ITGA9: variants seen among roughly 807,000 people sequenced by gnomAD.
ITGA9 encodes integrin subunit alpha 9, also known as integrin alpha-9.
In ITGA9, 56 loss-of-function variants were observed where a neutral mutation model predicts 127.8. The ratio of observed to expected loss-of-function variants is 0.44; its 90% confidence interval spans 0.35 to 0.55. The LOEUF (loss-of-function observed/expected upper bound fraction) is 0.55. ITGA9 is among the 20% of genes least tolerant of loss of function. The probability of loss-of-function intolerance (pLI) is 0.00; values close to 1 mark genes in which losing one functional copy is unlikely to be tolerated. For synonymous variants in ITGA9, 508 were observed against 514.5 expected, an observed-to-expected ratio of 0.99 and a Z score of 0.17; for missense variants, 1,196 against 1,347.1, an observed-to-expected ratio of 0.89 and a Z score of 1.76.
At chr3:37,613,576 A>G (rs1700044947) in intron 15 of ITGA9, among the ~76,000 whole-genome samples, 1 of 152,258 alleles carries the variant, frequency 6.6e-6, no homozygotes, top group South Asian at 2.1e-4. Flanking sequence ...TTACAATCCC[A>G]CCAACAGTGT....
intron 1 of ITGA9, among the ~76,000 whole-genome samples, chr3:37,462,009 A>G (rs561456121): frequency 6.6e-6 from 1 of 152,172 alleles, no homozygotes; most frequent in Non-Finnish European, 1.5e-5. Flanking sequence ...AAAAAAAATT[A>G]TCACAAGAAA....
intron 15 of ITGA9, among the ~76,000 whole-genome samples, chr3:37,623,254 G>A (rs542137198): frequency 6.6e-6 from 1 of 152,320 alleles, no homozygotes; most frequent in East Asian, 1.9e-4. Flanking sequence ...GAGGACAATT[G>A]TGGCGTACAG....
At chr3:37,694,872 G>A (rs1014797342) in intron 18 of ITGA9, among the ~76,000 whole-genome samples, 11 of 152,132 alleles carry the variant, frequency 7.2e-5, no homozygotes, top group African/African-American at 2.2e-4. Flanking sequence ...TTCAAAAATC[G>A]AGAACTTCAG....
At chr3:37,489,027 C>T (rs1016436120) in intron 4 of ITGA9, among the ~76,000 whole-genome samples, 1 of 152,192 alleles carries the variant, frequency 6.6e-6, no homozygotes, top group African/African-American at 2.4e-5. Context: ...TCTACTTTGT[C>T]TCTGAATTTG....
At chr3:37,755,282 G>C (rs1696636989) in intron 23 of ITGA9, among the ~76,000 whole-genome samples, 2 of 152,162 alleles carry the variant, frequency 1.3e-5, no homozygotes, top group Non-Finnish European at 2.9e-5. Context: ...GGTTCCCATT[G>C]TGCTGAATTG....
chr3:37,499,090 G>T (rs949211783), intron 5 of ITGA9, among the ~76,000 whole-genome samples: 7 of 152,244 alleles, frequency 4.6e-5, no homozygotes, highest in African/African-American at 1.7e-4. Flanking sequence ...CAAAGCCTTC[G>T]GAGCTATGGA....
intron 17 of ITGA9, among the ~76,000 whole-genome samples, chr3:37,667,970 G>C (rs1290571871): frequency 6.6e-6 from 1 of 152,162 alleles, no homozygotes; most frequent in Non-Finnish European, 1.5e-5. Context: ...GAAAGCATTT[G>C]ATTTGCAGTT....
At chr3:37,699,402 C>T (rs183869259) in intron 18 of ITGA9, among the ~76,000 whole-genome samples, 2 of 152,342 alleles carry the variant, frequency 1.3e-5, no homozygotes, top group Admixed American at 1.3e-4. Context: ...CTCCATCCTT[C>T]TTGGCTCTCC....
intron 18 of ITGA9, among the ~76,000 whole-genome samples, chr3:37,689,970 A>G (rs928312272): frequency 6.6e-6 from 1 of 152,224 alleles, no homozygotes; most frequent in African/African-American, 2.4e-5. Flanking sequence ...TCAGTAAGCA[A>G]TTAAAGCACA....
At chr3:37,628,266 G>A (rs1313636657) in intron 15 of ITGA9, among the ~76,000 whole-genome samples, 6 of 152,076 alleles carry the variant, frequency 3.9e-5, no homozygotes, top group Non-Finnish European at 7.4e-5. Context: ...CAGCCCACAC[G>A]CACCCCCGCC....
chr3:37,532,596 T>C (rs1238812523), intron 13 of ITGA9, among the ~76,000 whole-genome samples: 1 of 145,094 alleles, frequency 6.9e-6, no homozygotes, highest in Non-Finnish European at 1.5e-5. Flanking sequence ...TGTGATTTAC[T>C]CTTTGTTTTT....
Position 37,602,789 on chromosome 3 carries a change from T to G in ITGA9, c.1690-26398T>G, listed in dbSNP as rs1372768572. ...TAATCAAAACCAGCACTCTATATCA[T>G]GGGTGCCACCATTCCTCTGATTTTT... On this transcript the variant is annotated intron_variant, in intron 15 of 27. Coordinates refer to ENST00000264741, the MANE Select transcript of ITGA9 (RefSeq NM_002207.3). 2.6e-5 allele frequency among the ~76,000 whole-genome samples: 4 copies of G among 152,194 alleles called. No individual in the cohort carries two copies. In the East Asian group the frequency reaches 7.7e-4, roughly 29 times the overall value.
Position 37,820,741 on chromosome 3 carries a change from C to G in ITGA9, c.*1752C>G, listed in dbSNP as rs1697503602. 1 of 152,200 alleles carries G rather than the reference C, an allele frequency of 6.6e-6. No individual in the cohort carries two copies. Among genetic ancestry groups the G allele is most frequent in the African/African-American group, 2.4e-5 (1 of 41,434 alleles). The allele number at this position is 152,200 out of a possible 1,614,324, so 9.4% of individuals were successfully genotyped here. On this transcript the variant is annotated 3_prime_UTR_variant, in exon 28 of 28. Transcript: ENST00000264741. Reference sequence around the variant, plus strand: ...GAAAACATGGGGCTAAGAGCAGGGTCTAACGGAGTCTTAATGGCTTATTAC... The same window carrying G: ...GAAAACATGGGGCTAAGAGCAGGGTGTAACGGAGTCTTAATGGCTTATTAC...
At chr3:37,616,834 C>T (rs1700079599) in intron 15 of ITGA9, among the ~76,000 whole-genome samples, 1 of 152,176 alleles carries the variant, frequency 6.6e-6, no homozygotes, top group African/African-American at 2.4e-5. Flanking sequence ...TTCCTCCATC[C>T]CTTTATTTTG....
At chr3:37,713,675 G>T (rs562332696) in intron 18 of ITGA9, among the ~76,000 whole-genome samples, 1 of 152,178 alleles carries the variant, frequency 6.6e-6, no homozygotes, top group African/African-American at 2.4e-5. Context: ...AAGAAAACTC[G>T]CTTTGCCTTT....
At chr3:37,792,979 A>G (rs937227759) in intron 26 of ITGA9, among the ~76,000 whole-genome samples, 5 of 152,146 alleles carry the variant, frequency 3.3e-5, no homozygotes, top group Admixed American at 2.6e-4. Flanking sequence ...CACTCTGTTA[A>G]TAGTGGCTGT....
chr3:37,769,556 T>A (rs570971345), intron 23 of ITGA9, among the ~76,000 whole-genome samples: 8 of 152,066 alleles, frequency 5.3e-5, no homozygotes, highest in Non-Finnish European at 1.0e-4. Flanking sequence ...CAGGCCCATC[T>A]CCCCTGCCTC....
At chr3:37,710,559 C>T (rs1391083727) in intron 18 of ITGA9, among the ~76,000 whole-genome samples, 2 of 152,192 alleles carry the variant, frequency 1.3e-5, no homozygotes, top group East Asian at 3.9e-4. Context: ...TTCAGAGGTG[C>T]TCTGAGTCCT....
chr3:37,572,685 T>C (rs1699613157), intron 15 of ITGA9, among the ~76,000 whole-genome samples: 1 of 152,226 alleles, frequency 6.6e-6, no homozygotes, highest in East Asian at 1.9e-4. Flanking sequence ...TATTTATGTA[T>C]ATGCTTTTTA....
Sources: gnomAD v4.1 joint callset for allele counts (sites outside exome capture counted in the v4.1 genomes callset) on GRCh38, gnomAD v4.1.1 for gene constraint, MANE v1.5 for transcripts, NCBI Gene and HGNC (gene_info 2026-07-23, HGNC 2026-07-21) for gene names.